Variants in CERT1 observed in about 807,000 individuals in gnomAD.
The protein encoded by CERT1 is ceramide transporter 1.
CERT1 carries 31 observed loss-of-function variants against 87.9 expected under a neutral mutation model. That is an observed-to-expected ratio of 0.35 (90% CI 0.27 to 0.48). CERT1 has a LOEUF of 0.48. CERT1 is among the 20% of genes least tolerant of loss of function. The probability of loss-of-function intolerance (pLI) is 0.99; values close to 1 mark genes in which losing one functional copy is unlikely to be tolerated. For missense variants in CERT1, 487 were observed against 758.0 expected (o/e 0.64, Z 4.20); for synonymous variants, 289 against 250.9 (o/e 1.15, Z -1.44).
At chr5:75,439,066 T>TA (rs1301003385) in intron 3 of CERT1, among the ~76,000 whole-genome samples, 1 of 152,044 alleles carries the variant, frequency 6.6e-6, no homozygotes, top group East Asian at 1.9e-4. Flanking sequence ...TAGTAACCTT[T>TA]AGACTAAATC....
intron 2 of CERT1, among the ~76,000 whole-genome samples, chr5:75,462,775 C>T (rs1384242557): frequency 1.3e-5 from 2 of 151,900 alleles, no homozygotes; most frequent in South Asian, 2.1e-4. Flanking sequence ...GGGTGGATCA[C>T]GGGGTCAGGA....
At chr5:75,501,925 C>G (rs1294138453) in intron 2 of CERT1, among the ~76,000 whole-genome samples, 1 of 151,840 alleles carries the variant, frequency 6.6e-6, no homozygotes, top group Non-Finnish European at 1.5e-5. Flanking sequence ...AGAGAAACAC[C>G]TATCTAAACA....
At chr5:75,473,802 A>C (rs1362146397) in intron 2 of CERT1, among the ~76,000 whole-genome samples, 1 of 152,230 alleles carries the variant, frequency 6.6e-6, no homozygotes, top group Non-Finnish European at 1.5e-5. Context: ...TTCACAATGT[A>C]TATATACTTC....
At chr5:75,392,418 T>C (rs1463926450) in intron 11 of CERT1, among the ~76,000 whole-genome samples, 1 of 152,246 alleles carries the variant, frequency 6.6e-6, no homozygotes, top group Non-Finnish European at 1.5e-5. Context: ...ACTAAATTAC[T>C]GCAATAAACT....
chr5:75,398,471 C>T (rs1210338200), intron 11 of CERT1, among the ~76,000 whole-genome samples: 6 of 152,044 alleles, frequency 3.9e-5, no homozygotes, highest in South Asian at 2.1e-4. Context: ...TACACCTAAC[C>T]AGGGTTTAAA....
At chr5:75,494,613 C>T (rs1766970854) in intron 2 of CERT1, among the ~76,000 whole-genome samples, 1 of 152,182 alleles carries the variant, frequency 6.6e-6, no homozygotes. Context: ...TCCTTATACA[C>T]TCTCCACCCC....
chr5:75,510,302 C>T (rs1767877019), intron 1 of CERT1, among the ~76,000 whole-genome samples: 1 of 152,092 alleles, frequency 6.6e-6, no homozygotes, highest in African/African-American at 2.4e-5. Flanking sequence ...AAAAAAAAAT[C>T]CCCACAACTA....
chr5:75,494,280 CT>C, intron 2 of CERT1, among the ~76,000 whole-genome samples: 1 of 152,252 alleles, frequency 6.6e-6, no homozygotes, highest in East Asian at 1.9e-4. Flanking sequence ...ATATTGTTAT[CT>C]TTAGGTCAAA....
intron 14 of CERT1, among the ~76,000 whole-genome samples, chr5:75,382,538 G>A (rs1026391948): frequency 1.3e-5 from 2 of 151,838 alleles, no homozygotes; most frequent in African/African-American, 4.8e-5. Flanking sequence ...AATCACATTA[G>A]AAAGAATTCT....
chr5:75,400,853 T>C (rs577547498), intron 9 of CERT1: 1 of 151,484 alleles, frequency 6.6e-6, no homozygotes, highest in Non-Finnish European at 1.5e-5. Flanking sequence ...CTCTTTAGTT[T>C]GCCTCAGTTG....
In CERT1 at chr5:75,379,175, C is replaced by T. The variant is rs563635859; in HGVS notation, c.*171G>A. 6.5e-6 allele frequency: 4 copies of T among 619,092 alleles called. No individual in the cohort carries two copies. The East Asian group carries it at 8.6e-5, about 13-fold the overall frequency. 38.3% of individuals were successfully genotyped at this position (619,092 alleles called of 1,614,324 possible). A position where few individuals can be genotyped will look rare whatever the true frequency, so the allele number is the denominator to read the frequency against. On this transcript the variant is annotated 3_prime_UTR_variant, in exon 17 of 17. Transcript: ENST00000643780. ...TCAGCTTAGGAAACAGAGCAAGACC[C>T]TGTTTAAAACAACAACAACGACAAC... is the stretch of plus-strand genomic sequence containing the variant.
At chr5:75,479,096 A>C (rs1766109650) in intron 2 of CERT1, among the ~76,000 whole-genome samples, 1 of 149,966 alleles carries the variant, frequency 6.7e-6, no homozygotes, top group Non-Finnish European at 1.5e-5. Flanking sequence ...TATGATATTA[A>C]ATGGGACAAA....
At chr5:75,495,706 A>G (rs921553635) in intron 2 of CERT1, among the ~76,000 whole-genome samples, 40 of 152,224 alleles carry the variant, frequency 2.6e-4, no homozygotes, top group African/African-American at 9.6e-4. Flanking sequence ...TAAACAACAG[A>G]GTGCCACTGC....
rs576777947 is a variant in CERT1 at position 75,490,521 on chromosome 5, CAG to C, written c.231+15459_231+15460del. On this transcript the variant is annotated intron_variant, in intron 2 of 16. Transcript: ENST00000643780. ...TTTATTTATTTATTTTTTTTTGAGA[CAG>C]AGTCTCGCTGTGTCGCCCAGGCTGG... Among the ~76,000 whole-genome samples the C allele has an allele frequency of 3.0e-4, 46 of 151,320 alleles. 1 individual carries two copies. The South Asian group carries it at 5.0e-3, about 17-fold the overall frequency.
chr5:75,407,698 G>A (rs1334467251), intron 8 of CERT1, among the ~76,000 whole-genome samples: 1 of 152,036 alleles, frequency 6.6e-6, no homozygotes, highest in East Asian at 1.9e-4. Flanking sequence ...TCACAGGCCA[G>A]GTCTCACTAA....
In CERT1 at chr5:75,379,263, A is replaced by G. The variant is rs961443712; in HGVS notation, c.*83T>C. ...TCAAAAAACATAGTAAATACTTTCA[A>G]CAACTAAATTTTAGTATTGACAGTC... On this transcript the variant is annotated 3_prime_UTR_variant, in exon 17 of 17. Coordinates refer to ENST00000643780, the MANE Select transcript of CERT1 (RefSeq NM_001379029.1). The G allele has an allele frequency of 1.5e-5, 18 of 1,237,204 alleles. No homozygotes were observed. The African/African-American group carries it at 2.7e-4, about 19-fold the overall frequency. 76.6% of individuals were successfully genotyped at this position (1,237,204 alleles called of 1,614,324 possible).
chr5:75,502,730 A>G (rs1379777511), intron 2 of CERT1, among the ~76,000 whole-genome samples: 3 of 152,146 alleles, frequency 2.0e-5, no homozygotes, highest in African/African-American at 7.2e-5. Flanking sequence ...TTAATGCCAC[A>G]AATTATATTT....
intron 3 of CERT1, among the ~76,000 whole-genome samples, chr5:75,428,713 T>C (rs1246554910): frequency 6.6e-6 from 1 of 151,908 alleles, no homozygotes; most frequent in Admixed American, 6.6e-5. Context: ...GAGGCAAAGA[T>C]TATAATCAAC....
intron 3 of CERT1, among the ~76,000 whole-genome samples, chr5:75,429,167 T>C (rs775395998): frequency 6.8e-4 from 98 of 144,976 alleles, no homozygotes; most frequent in Non-Finnish European, 1.4e-3. Flanking sequence ...AACCTCTAAA[T>C]AGAAACTGAA....
Sources: allele counts gnomAD v4.1 joint callset (sites outside exome capture counted in the v4.1 genomes callset), GRCh38; gene constraint gnomAD v4.1.1; transcripts MANE v1.5; gene names NCBI Gene and HGNC (gene_info 2026-07-23, HGNC 2026-07-21).